The following FAM174B variants were observed in gnomAD, a reference collection of about 807,000 sequenced individuals.
FAM174B encodes family with sequence similarity 174 member B, also known as membrane protein FAM174B.
In FAM174B, 12 loss-of-function variants were observed where a neutral mutation model predicts 10.9. The ratio of observed to expected loss-of-function variants is 1.10; its 90% CI spans 0.71 to 1.79. FAM174B has a LOEUF of 1.79. Among genes scored for constraint, FAM174B ranks in the 40% most tolerant of loss-of-function variants. FAM174B has a pLI of 0.00. For synonymous variants in FAM174B, 132 were observed against 115.8 expected (o/e 1.14, Z -0.90); for missense variants, 266 against 233.3 (o/e 1.14, Z -0.91).
chr15:92,652,789 G>A (rs1359653649), intron 1 of FAM174B, among the ~76,000 whole-genome samples: 3 of 152,232 alleles, frequency 2.0e-5, no homozygotes, highest in South Asian at 2.1e-4. Context: ...CTCGGTGCCC[G>A]CAGGCTAAGG....
intron 1 of FAM174B, among the ~76,000 whole-genome samples, chr15:92,654,787 C>A (rs1182843086): frequency 6.5e-4 from 89 of 136,936 alleles, no homozygotes; most frequent in African/African-American, 7.7e-4. Flanking sequence ...CTTTCAGTAG[C>A]AAAAAAAAAA....
At chr15:92,637,365 A>C (rs2050862752) in intron 1 of FAM174B, among the ~76,000 whole-genome samples, 1 of 152,200 alleles carries the variant, frequency 6.6e-6, no homozygotes, top group Non-Finnish European at 1.5e-5. Context: ...ACCAAGTCCT[A>C]AATCGACTAC....
intron 1 of FAM174B, among the ~76,000 whole-genome samples, chr15:92,631,454 A>T (rs368362029): frequency 0.014 from 771 of 56,718 alleles, 12 homozygotes; most frequent in African/African-American, 0.022. Context: ...ATATAACATA[A>T]TATATATTAT....
Position 92,655,478 on chromosome 15 carries a change from G to A in FAM174B, c.182C>T (p.Ala61Val), listed in dbSNP as rs1173136592. The change falls in exon 1 of 3, where the codon GCG becomes GTG. Residue 61 changes from alanine to valine, a missense_variant. Physicochemically the swap from Ala to Val is moderately conservative, Grantham distance 64. Coordinates refer to ENST00000327355, the MANE Select transcript of FAM174B (RefSeq NM_207446.3). ...GCTGGAGCTGCCGCTGCCGCCCGCCGCCCCAGACCCAAACCGGGTGGTGTT... is the reference window on the plus strand; with the variant it reads ...GCTGGAGCTGCCGCTGCCGCCCGCCACCCCAGACCCAAACCGGGTGGTGTT... ...PGNTTRFGSG[A>V]AGGSGSSSSN... The A allele has an allele frequency of 5.8e-6, 9 of 1,551,450 alleles. No homozygotes were observed. In the Admixed American group the frequency reaches 7.8e-5, roughly 13 times the overall value.
At chr15:92,624,857 G>A (rs2050743014) in intron 2 of FAM174B, among the ~76,000 whole-genome samples, 1 of 152,230 alleles carries the variant, frequency 6.6e-6, no homozygotes, top group Non-Finnish European at 1.5e-5. Context: ...CAGCTGCCGG[G>A]CCGCCTGCCA....
In FAM174B at chr15:92,630,462, C is replaced by T. The variant is rs1277169177; in HGVS notation, c.345-117G>A. 4.5e-5 allele frequency: 44 copies of T among 979,700 alleles called. 2 individuals carry two copies. In the East Asian group the frequency reaches 1.2e-3, roughly 26 times the overall value. 60.7% of individuals were successfully genotyped at this position (979,700 alleles called of 1,614,324 possible). A position where few individuals can be genotyped will look rare whatever the true frequency, so the allele number is the denominator to read the frequency against. ...AGCTGGTGTTTAGTCAGGTTTCCTTCCTCTGTCTGAGAGTGTGAGGATCTG... is the reference window on the plus strand; with the variant it reads ...AGCTGGTGTTTAGTCAGGTTTCCTTTCTCTGTCTGAGAGTGTGAGGATCTG... On this transcript the variant is annotated intron_variant, in intron 1 of 2. Transcript: ENST00000327355.
intron 1 of FAM174B, among the ~76,000 whole-genome samples, chr15:92,654,675 G>A (rs902527109): frequency 6.6e-6 from 1 of 152,028 alleles, no homozygotes; most frequent in Non-Finnish European, 1.5e-5. Flanking sequence ...GCCACCAAGG[G>A]TCGCCTAGAA....
chr15:92,647,445 C>A lies in FAM174B; in HGVS notation c.344+7871G>T, dbSNP rs146837472. Among the ~76,000 whole-genome samples the A allele has an allele frequency of 4.6e-5, 7 of 152,294 alleles. No homozygotes were observed. The East Asian group carries it at 1.3e-3, about 29-fold the overall frequency. ...CAAGCCATAAGCCAAAAATAAAATT[C>A]TAAGCCCCCCAGCCAGTTGAAGAGA... is the stretch of plus-strand genomic sequence containing the variant. On this transcript the variant is annotated intron_variant, in intron 1 of 2. Coordinates refer to ENST00000327355, the MANE Select transcript of FAM174B (RefSeq NM_207446.3).
At chr15:92,648,962 G>A (rs1354159599) in intron 1 of FAM174B, among the ~76,000 whole-genome samples, 1 of 152,184 alleles carries the variant, frequency 6.6e-6, no homozygotes, top group African/African-American at 2.4e-5. Context: ...CAAAACCTCA[G>A]TCATAAAACT....
rs146962886 is a variant in FAM174B, at chr15:92,629,918, T to A, written c.476+296A>T. On this transcript the variant is annotated intron_variant, in intron 2 of 2. Transcript: ENST00000327355. ...GCTCTCTTGCCTGCCATCATCCACGTAAGATGTGACTTTGCTCCTCCTTGC... is the reference window on the plus strand; with the variant it reads ...GCTCTCTTGCCTGCCATCATCCACGAAAGATGTGACTTTGCTCCTCCTTGC... Among the ~76,000 whole-genome samples, 20 of 152,308 alleles carry A rather than the reference T, an allele frequency of 1.3e-4. 1 individual carries two copies. Among genetic ancestry groups the A allele is most frequent in the African/African-American group, 4.6e-4 (19 of 41,570 alleles).
At chr15:92,638,891 AG>A (rs1413217865) in intron 1 of FAM174B, among the ~76,000 whole-genome samples, 2 of 152,180 alleles carry the variant, frequency 1.3e-5, no homozygotes, top group African/African-American at 4.8e-5. Context: ...CCAGGCACAC[AG>A]GCCCCTCCTG....
Position 92,618,872 on chromosome 15 carries a change from G to A in FAM174B, c.*584C>T. 8.2e-6 allele frequency: 2 copies of A among 245,382 alleles called. No homozygotes were observed. Among genetic ancestry groups the A allele is most frequent in the Non-Finnish European group, 7.6e-6 (1 of 130,972 alleles). The allele number at this position is 245,382 out of a possible 1,614,324, so 15.2% of individuals were successfully genotyped here. ...AAAAAAAAAGGAAGAAAGAAAAGGA[G>A]CCACAGACGTGTCCAGGTCTGGAAG... is the stretch of plus-strand genomic sequence containing the variant. On this transcript the variant is annotated 3_prime_UTR_variant, in exon 3 of 3. Transcript: ENST00000327355.
At chr15:92,630,811 T>TACATA (rs1454050572) in intron 1 of FAM174B, among the ~76,000 whole-genome samples, 1 of 29,986 alleles carries the variant, frequency 3.3e-5, no homozygotes, top group Non-Finnish European at 1.3e-4. Flanking sequence ...TTATATATAT[T>TACATA]TTATATATTA....
intron 1 of FAM174B, among the ~76,000 whole-genome samples, chr15:92,635,961 A>T (rs941906462): frequency 1.3e-5 from 2 of 152,192 alleles, no homozygotes; most frequent in African/African-American, 4.8e-5. Context: ...AACAGAGCCA[A>T]TCAGCATTTT....
At chr15:92,641,143 G>A (rs749591585) in intron 1 of FAM174B, among the ~76,000 whole-genome samples, 2 of 151,950 alleles carry the variant, frequency 1.3e-5, no homozygotes, top group Non-Finnish European at 2.9e-5. Context: ...CTTTCAATAA[G>A]ATAAATGTAA....
chr15:92,620,295 G>A (rs757392495), intron 2 of FAM174B, among the ~76,000 whole-genome samples: 41 of 152,132 alleles, frequency 2.7e-4, no homozygotes, highest in Non-Finnish European at 5.1e-4. Flanking sequence ...TCAGGAGATC[G>A]CGACCATCCT....
chr15:92,655,265 C>T (rs960248465), intron 1 of FAM174B, 51 bp downstream of exon 1: 10 of 1,473,360 alleles, frequency 6.8e-6, no homozygotes, highest in Middle Eastern at 2.3e-4. Context: ...AGCAGGTTGG[C>T]GATGCCGCCC....
At chr15:92,624,851 T>C (rs2050742909) in intron 2 of FAM174B, among the ~76,000 whole-genome samples, 1 of 152,190 alleles carries the variant, frequency 6.6e-6, no homozygotes, top group Non-Finnish European at 1.5e-5. Flanking sequence ...CTGTCACAGC[T>C]GCCGGGCCGC....
At chr15:92,646,882 A>T (rs938013836) in intron 1 of FAM174B, among the ~76,000 whole-genome samples, 5 of 152,148 alleles carry the variant, frequency 3.3e-5, no homozygotes, top group African/African-American at 1.2e-4. Context: ...ACCAATGTAC[A>T]TCTTACATGT....
Sources: allele counts gnomAD v4.1 joint callset (sites outside exome capture counted in the v4.1 genomes callset), GRCh38; gene constraint gnomAD v4.1.1; transcripts MANE v1.5; gene names NCBI Gene and HGNC (gene_info 2026-07-23, HGNC 2026-07-21).